RBKS: variants seen among roughly 807,000 people sequenced by gnomAD.
The protein encoded by RBKS is ribokinase.
RBKS carries 33 observed loss-of-function variants against 33.9 expected under a neutral mutation model. The observed-to-expected ratio is 0.97, with a 90% confidence interval of 0.74 to 1.30. RBKS has a LOEUF of 1.30. RBKS is among the 50% of genes most tolerant of loss of function. The probability of loss-of-function intolerance (pLI) is 0.00; values close to 1 mark genes in which losing one functional copy is unlikely to be tolerated. For synonymous variants in RBKS, 125 were observed against 143.0 expected (o/e 0.87, Z 0.90); for missense variants, 361 against 392.6 (o/e 0.92, Z 0.68).
rs537563946 is a variant in RBKS, at chr2:27,795,103, C to T, written c.796-13315G>A. 2.4e-4 allele frequency among the ~76,000 whole-genome samples: 37 copies of T among 152,170 alleles called. No individual in the cohort carries two copies. Among genetic ancestry groups the T allele is most frequent in the Admixed American group, 5.2e-4 (8 of 15,276 alleles). The stretch of plus-strand genomic sequence containing the variant: ...GCAATCTCCATGTGTTAAACTCTTA[C>T]GAGAGGTCGGAAATCTCGTCCATGT... On this transcript the variant is annotated intron_variant, in intron 7 of 7. Transcript: ENST00000302188. The surrounding 1 kb of genome is among the most constrained non-coding windows in gnomAD (Gnocchi z 4.1).
At chr2:27,798,060 G>A (rs1031399611) in intron 7 of RBKS, among the ~76,000 whole-genome samples, 2 of 152,112 alleles carry the variant, frequency 1.3e-5, no homozygotes, top group African/African-American at 4.8e-5. Context: ...TAGGAGCTAT[G>A]AGACTTGGTA....
At chr2:27,838,386 T>A (rs1663358157) in intron 5 of RBKS, among the ~76,000 whole-genome samples, 1 of 152,144 alleles carries the variant, frequency 6.6e-6, no homozygotes, top group Non-Finnish European at 1.5e-5. Flanking sequence ...TTTTCCACAA[T>A]AAAAGCAAAT....
chr2:27,846,965 T>C (rs917287124), intron 4 of RBKS, 77 bp downstream of exon 4: 1 of 1,034,526 alleles, frequency 9.7e-7, no homozygotes, highest in African/African-American at 1.6e-5. Context: ...AGGATTATGG[T>C]AAAAATTGAT....
intron 7 of RBKS, among the ~76,000 whole-genome samples, chr2:27,794,079 C>T (rs1553374488): frequency 6.6e-6 from 1 of 151,950 alleles, no homozygotes; most frequent in Non-Finnish European, 1.5e-5. Flanking sequence ...GCTGGCGGAT[C>T]ACCTGAGGTT....
At chr2:27,813,760 T>C (rs1678037117) in intron 7 of RBKS, among the ~76,000 whole-genome samples, 2 of 152,004 alleles carry the variant, frequency 1.3e-5, no homozygotes, top group Admixed American at 6.6e-5. Flanking sequence ...GAGAAAATGG[T>C]TGTGAGTTTT....
At chr2:27,833,211 G>A (rs897047831) in intron 5 of RBKS, among the ~76,000 whole-genome samples, 2 of 152,144 alleles carry the variant, frequency 1.3e-5, no homozygotes, top group Admixed American at 6.6e-5. Flanking sequence ...AAAAAGAGAC[G>A]ATAGAAAATA....
intron 7 of RBKS, among the ~76,000 whole-genome samples, chr2:27,819,820 CAAG>C (rs1397624165): frequency 3.9e-5 from 6 of 152,126 alleles, no homozygotes; most frequent in East Asian, 1.9e-4. Flanking sequence ...CTGGTATTTC[CAAG>C]AAGAACTGTA....
Position 27,795,544 on chromosome 2 carries a change from C to A in RBKS, c.796-13756G>T, listed in dbSNP as rs544098743. Among the ~76,000 whole-genome samples the A allele has an allele frequency of 3.6e-4, 55 of 152,274 alleles. No homozygotes were observed. The highest frequency in any genetic ancestry group is 1.7e-3 in the Admixed American group (26 of 15,302). On this transcript the variant is annotated intron_variant, in intron 7 of 7. Transcript: ENST00000302188. The surrounding 1 kb of genome is among the most constrained non-coding windows in gnomAD (Gnocchi z 4.1). ...GCAAAGCCGGGTATTTATATACACA[C>A]ACACACAACATTGACCTCATTTCAT...
intron 1 of RBKS, chr2:27,869,978 G>C (rs757385255): frequency 6.6e-6 from 1 of 152,272 alleles, no homozygotes; most frequent in Admixed American, 6.5e-5. Flanking sequence ...TAAGGCCACC[G>C]TCATTTGCGA....
At chr2:27,793,494 G>A (rs1677576796) in intron 7 of RBKS, among the ~76,000 whole-genome samples, 1 of 152,188 alleles carries the variant, frequency 6.6e-6, no homozygotes, top group South Asian at 2.1e-4. Flanking sequence ...AAGGACACAA[G>A]GTCACGGATG....
intron 7 of RBKS, among the ~76,000 whole-genome samples, chr2:27,822,731 C>A (rs1573048516): frequency 1.3e-5 from 2 of 149,322 alleles, no homozygotes; most frequent in East Asian, 4.4e-4. Context: ...CACTATAGGA[C>A]TCAAATGTGA....
In RBKS at chr2:27,827,765, A is replaced by C. The variant is rs753878390; in HGVS notation, c.607-10T>G. 1 of 1,560,950 alleles carries C rather than the reference A, an allele frequency of 6.4e-7. No individual in the cohort carries two copies. The highest frequency in any genetic ancestry group is 8.7e-7 in the Non-Finnish European group (1 of 1,155,962). On this transcript the variant is annotated splice_polypyrimidine_tract_variant and intron_variant, in intron 6 of 7. Coordinates refer to ENST00000302188, the MANE Select transcript of RBKS (RefSeq NM_022128.3). ...CAGTTAAAATCTCAGCCTAGAATAC[A>C]CAAAAGTCAACAGAAACAGTGGTGA...
At chr2:27,879,243 A>G (rs997122813) in intron 1 of RBKS, among the ~76,000 whole-genome samples, 2 of 152,090 alleles carry the variant, frequency 1.3e-5, no homozygotes, top group African/African-American at 4.8e-5. Context: ...TCATACTATA[A>G]TAATCTCTTT....
Position 27,874,222 on chromosome 2 carries a change from TATG to T in RBKS, c.90-15654_90-15652del, listed in dbSNP as rs909435598. Among the ~76,000 whole-genome samples, 71 of 152,220 alleles carry T rather than the reference TATG, an allele frequency of 4.7e-4. 2 individuals carry two copies. The highest frequency in any genetic ancestry group is 2.9e-5 in the Non-Finnish European group (2 of 68,028). Reference sequence around the variant, plus strand: ...TTCAATGAAGAAAATCTTGATTTAGTATGATAACTATGGAAGAAATTGGAATAA... The same window carrying T: ...TTCAATGAAGAAAATCTTGATTTAGTATAACTATGGAAGAAATTGGAATAA... On this transcript the variant is annotated intron_variant, in intron 1 of 7. Transcript: ENST00000302188.
intron 6 of RBKS, among the ~76,000 whole-genome samples, chr2:27,831,219 A>ATTTTTTATTTATTTATTTATTTTTTTTT (rs1416837817): frequency 7.4e-6 from 1 of 135,276 alleles, no homozygotes; most frequent in Admixed American, 6.9e-5. Context: ...GTATTTTATT[A>ATTTTTTATTTATTTATTTATTTTTTTTT]TGCAGCAATA....
intron 5 of RBKS, among the ~76,000 whole-genome samples, chr2:27,834,811 T>G (rs1678484224): frequency 6.6e-6 from 1 of 152,238 alleles, no homozygotes; most frequent in Non-Finnish European, 1.5e-5. Context: ...AGAGCCATTC[T>G]TAAAAGATCA....
intron 2 of RBKS, among the ~76,000 whole-genome samples, chr2:27,848,559 T>C (rs1461896653): frequency 6.6e-6 from 1 of 152,196 alleles, no homozygotes; most frequent in African/African-American, 2.4e-5. Context: ...CTAGCTAACT[T>C]GGGTAACTTG....
At chr2:27,863,091 T>C (rs1483090294) in intron 1 of RBKS, among the ~76,000 whole-genome samples, 1 of 151,980 alleles carries the variant, frequency 6.6e-6, no homozygotes, top group African/African-American at 2.4e-5. Flanking sequence ...TTAGTAGAAA[T>C]ACATTGTTAC....
intron 3 of RBKS, 98 bp from the exon 4 acceptor site, chr2:27,847,202 T>C (rs1244050879): frequency 1.5e-6 from 1 of 683,480 alleles, no homozygotes; most frequent in African/African-American, 1.8e-5. Flanking sequence ...GGAAAACCTT[T>C]TTAACCTTTA....
Sources: allele counts gnomAD v4.1 joint callset (sites outside exome capture counted in the v4.1 genomes callset), GRCh38; gene constraint gnomAD v4.1.1; non-coding constraint Gnocchi (gnomAD v3.1); transcripts MANE v1.5; gene names NCBI Gene and HGNC (gene_info 2026-07-23, HGNC 2026-07-21).